The following RPS6KC1 variants were observed in gnomAD, a reference collection of about 807,000 sequenced individuals.
RPS6KC1 encodes inactive ribosomal protein S6 kinase delta-1.
In RPS6KC1, 54 loss-of-function variants were observed where a neutral mutation model predicts 103.8. The ratio of observed to expected loss-of-function variants is 0.52; its 90% CI spans 0.42 to 0.65. RPS6KC1 has a LOEUF of 0.65. RPS6KC1 is among the 30% of genes least tolerant of loss of function. RPS6KC1 has a pLI of 0.00. For missense variants in RPS6KC1, 1,151 were observed against 1,253.8 expected (o/e 0.92, Z 1.24); for synonymous variants, 439 against 438.7 (o/e 1.00, Z -0.01).
the RPS6KC1 span, among the ~76,000 whole-genome samples, chr1:213,552,642 T>C: frequency 6.6e-6 from 1 of 152,192 alleles, no homozygotes; most frequent in African/African-American, 2.4e-5. Flanking sequence ...CCGTGGCTTG[T>C]TTTTAATATA....
the RPS6KC1 span, among the ~76,000 whole-genome samples, chr1:213,518,085 T>C: frequency 6.6e-6 from 1 of 152,208 alleles, no homozygotes; most frequent in South Asian, 2.1e-4. Flanking sequence ...AAATAGTCTT[T>C]GGCATTGTAG....
the RPS6KC1 span, among the ~76,000 whole-genome samples, chr1:213,362,068 A>G: frequency 2.0e-5 from 3 of 152,128 alleles, no homozygotes; most frequent in Non-Finnish European, 4.4e-5. Context: ...GGCTTGCTGT[A>G]TTGCCAGGGT....
the RPS6KC1 span, among the ~76,000 whole-genome samples, chr1:213,299,057 A>C: frequency 1.2e-3 from 180 of 152,292 alleles, 1 homozygote; most frequent in African/African-American, 4.1e-3. Context: ...CAGCTGGGGC[A>C]TCTGTCTCTA....
chr1:213,380,415 C>G, the RPS6KC1 span, among the ~76,000 whole-genome samples: 1 of 152,106 alleles, frequency 6.6e-6, no homozygotes, highest in Non-Finnish European at 1.5e-5. Flanking sequence ...ATCTGTATAA[C>G]AAACCCCCAT....
chr1:213,240,802 C>T lies in RPS6KC1; in HGVS notation c.1326C>T (p.His442=). 1.2e-6 allele frequency: 2 copies of T among 1,613,876 alleles called. No individual in the cohort carries two copies. Among genetic ancestry groups the T allele is most frequent in the Non-Finnish European group, 1.7e-6 (2 of 1,179,872 alleles). The stretch of plus-strand genomic sequence containing the variant: ...AAAAACCTACACTTGCAAAAGTTCA[C>T]CTGCAGCAGCCAACTTCTAGTCCTC... ...EVKKPTLAKV[H]LQQPTSSPQD... The change falls in exon 11 of 15, where the codon CAC becomes CAT. Residue 442 remains histidine, a synonymous_variant. Transcript: ENST00000366960.
chr1:213,434,009 G>C, the RPS6KC1 span, among the ~76,000 whole-genome samples: 1 of 149,304 alleles, frequency 6.7e-6, no homozygotes, highest in African/African-American at 2.5e-5. Flanking sequence ...GTATGTCTAA[G>C]ACATTTTTCC....
the RPS6KC1 span, among the ~76,000 whole-genome samples, chr1:213,787,588 G>A: frequency 6.6e-6 from 1 of 152,114 alleles, no homozygotes; most frequent in Non-Finnish European, 1.5e-5. Flanking sequence ...ATTAGATATG[G>A]GGATGAGGGA....
chr1:213,357,643 T>G, the RPS6KC1 span, among the ~76,000 whole-genome samples: 1 of 152,206 alleles, frequency 6.6e-6, no homozygotes, highest in African/African-American at 2.4e-5. Context: ...GTCCTCTCAC[T>G]AGGGCCACCC....
the RPS6KC1 span, among the ~76,000 whole-genome samples, chr1:213,732,815 T>G: frequency 1.3e-5 from 2 of 152,160 alleles, no homozygotes. Flanking sequence ...CCCTCCCCAA[T>G]CTCAGCCCCT....
intron 7 of RPS6KC1, among the ~76,000 whole-genome samples, chr1:213,169,307 T>C (rs1211355010): frequency 6.6e-6 from 1 of 152,210 alleles, no homozygotes; most frequent in Non-Finnish European, 1.5e-5. Flanking sequence ...TGATGTTAAG[T>C]GTTTGACCAT....
the RPS6KC1 span, among the ~76,000 whole-genome samples, chr1:213,321,046 C>T: frequency 6.6e-6 from 1 of 152,304 alleles, no homozygotes; most frequent in Middle Eastern, 3.4e-3. Flanking sequence ...AGGTTTTCTA[C>T]ACTTCTCAAC....
At chr1:213,268,237 T>C (rs1479881849) in intron 14 of RPS6KC1, among the ~76,000 whole-genome samples, 1 of 151,868 alleles carries the variant, frequency 6.6e-6, no homozygotes, top group African/African-American at 2.4e-5. Flanking sequence ...TAACTAATTA[T>C]CAAAAACATG....
intron 8 of RPS6KC1, among the ~76,000 whole-genome samples, chr1:213,178,062 G>A (rs2091996595): frequency 6.6e-6 from 1 of 151,716 alleles, no homozygotes; most frequent in Admixed American, 6.6e-5. Flanking sequence ...AGCTGGGCAT[G>A]TAGTCCCAGC....
At chr1:213,549,728 G>A in the RPS6KC1 span, among the ~76,000 whole-genome samples, 27 of 149,346 alleles carry the variant, frequency 1.8e-4, no homozygotes, top group Non-Finnish European at 3.0e-4. Context: ...CAGTAGAAGT[G>A]TGACCCTGGG....
chr1:213,441,226 A>G, the RPS6KC1 span, among the ~76,000 whole-genome samples: 1 of 152,200 alleles, frequency 6.6e-6, no homozygotes, highest in Admixed American at 6.5e-5. Context: ...CACCCAGTTT[A>G]AAAACATCGC....
the RPS6KC1 span, among the ~76,000 whole-genome samples, chr1:213,335,318 G>A: frequency 1.3e-3 from 200 of 152,342 alleles, no homozygotes; most frequent in African/African-American, 4.3e-3. Context: ...GGCTGCGAGT[G>A]GCAGAAGTCC....
At chr1:213,537,489 T>C in the RPS6KC1 span, among the ~76,000 whole-genome samples, 4 of 152,176 alleles carry the variant, frequency 2.6e-5, no homozygotes, top group African/African-American at 9.7e-5. Context: ...CCTGGGATAA[T>C]AACACTCATG....
the RPS6KC1 span, among the ~76,000 whole-genome samples, chr1:213,438,142 C>G: frequency 4.6e-5 from 7 of 152,058 alleles, no homozygotes; most frequent in Non-Finnish European, 1.0e-4. Flanking sequence ...GAAGTTATAT[C>G]TGATTCCTTT....
the RPS6KC1 span, among the ~76,000 whole-genome samples, chr1:213,349,782 G>A: frequency 6.6e-6 from 1 of 152,192 alleles, no homozygotes; most frequent in Non-Finnish European, 1.5e-5. Context: ...GAGTGAAGTT[G>A]ATTAGGATGT....
Sources: gnomAD v4.1 joint callset for allele counts (sites outside exome capture counted in the v4.1 genomes callset) on GRCh38, gnomAD v4.1.1 for gene constraint, MANE v1.5 for transcripts, NCBI Gene and HGNC (gene_info 2026-07-23, HGNC 2026-07-21) for gene names.